ANKRD13C: variants seen among roughly 807,000 people sequenced by gnomAD.
ANKRD13C encodes the protein ankyrin repeat domain-containing protein 13C.
ANKRD13C carries 16 observed loss-of-function variants against 65.5 expected under a neutral mutation model. That is an observed-to-expected ratio of 0.24 (90% CI 0.17 to 0.37). The LOEUF (loss-of-function observed/expected upper bound fraction) is 0.37. Ranked by LOEUF, ANKRD13C falls within the 10% of genes least tolerant of loss-of-function variation. The probability of loss-of-function intolerance (pLI) is 1.00; values close to 1 mark genes in which losing one functional copy is unlikely to be tolerated. For missense variants in ANKRD13C, 503 were observed against 655.9 expected, an observed-to-expected ratio of 0.77 and a Z score of 2.55; for synonymous variants, 235 against 238.7, an observed-to-expected ratio of 0.98 and a Z score of 0.14.
intron 9 of ANKRD13C, among the ~76,000 whole-genome samples, chr1:70,289,339 A>G (rs747481526): frequency 3.9e-5 from 6 of 152,214 alleles, no homozygotes; most frequent in Non-Finnish European, 7.3e-5. Context: ...AAGAAAATCA[A>G]GTTGTCTATC....
intron 9 of ANKRD13C, 68 bp downstream of exon 9, chr1:70,292,320 C>A (rs1008191540): frequency 9.7e-6 from 12 of 1,232,802 alleles, no homozygotes; most frequent in Middle Eastern, 4.6e-4. Context: ...TTACTGAATG[C>A]CACCAAGAAT....
At chr1:70,286,288 C>A (rs1007346880) in intron 9 of ANKRD13C, among the ~76,000 whole-genome samples, 21 of 152,164 alleles carry the variant, frequency 1.4e-4, no homozygotes, top group African/African-American at 5.1e-4. Flanking sequence ...AAATGCAATT[C>A]TTCGATTCCT....
rs147245487 is a variant in ANKRD13C, at chr1:70,264,309, C to T, written c.1496-1462G>A. Among the ~76,000 whole-genome samples, 5 of 151,858 alleles carry T rather than the reference C, an allele frequency of 3.3e-5. No homozygotes were observed. The East Asian group carries it at 9.7e-4, about 29-fold the overall frequency. ...TGGCCAACATGGTGAAACCCCATCT[C>T]TAACAAAAATACAAAAATTAGCTGG... On this transcript the variant is annotated intron_variant, in intron 12 of 12. Coordinates refer to ENST00000370944, the MANE Select transcript of ANKRD13C (RefSeq NM_030816.5).
chr1:70,353,312 GTCA>G (rs1293125375), intron 1 of ANKRD13C, among the ~76,000 whole-genome samples: 2 of 152,118 alleles, frequency 1.3e-5, no homozygotes, highest in Non-Finnish European at 2.9e-5. Context: ...TTTAGTCACA[GTCA>G]TCAAGATGAG....
chr1:70,311,778 T>C (rs1186503639), intron 5 of ANKRD13C, among the ~76,000 whole-genome samples: 4 of 152,230 alleles, frequency 2.6e-5, no homozygotes, highest in Non-Finnish European at 4.4e-5. Flanking sequence ...TAGTATTAAA[T>C]AACTTGTATT....
At chr1:70,333,561 G>T (rs1681898071) in intron 2 of ANKRD13C, among the ~76,000 whole-genome samples, 1 of 152,146 alleles carries the variant, frequency 6.6e-6, no homozygotes. Flanking sequence ...TAATTCATAA[G>T]TCTGCCATCA....
At position 70,279,275 on chromosome 1, in the gene ANKRD13C, C is replaced by T. The variant is rs896047007; in HGVS notation, c.1216-2431G>A. Among the ~76,000 whole-genome samples the T allele has an allele frequency of 2.6e-5, 4 of 152,024 alleles. No individual in the cohort carries two copies. The East Asian group carries it at 5.8e-4, about 22-fold the overall frequency. On this transcript the variant is annotated intron_variant, in intron 9 of 12. Transcript: ENST00000370944. ...GAGGAAAAGCTTTTTCTCTACCCTCCGTTTTCTGCCGAACTACAGAGTATA... is the reference window on the plus strand; with the variant it reads ...GAGGAAAAGCTTTTTCTCTACCCTCTGTTTTCTGCCGAACTACAGAGTATA...
Position 70,324,863 on chromosome 1 carries a change from A to G in ANKRD13C, c.567T>C (p.Asp189=), listed in dbSNP as rs376588171. The change falls in exon 3 of 13, where the codon GAT becomes GAC. Residue 189 remains aspartate (D), a synonymous_variant. Coordinates refer to ENST00000370944, the MANE Select transcript of ANKRD13C (RefSeq NM_030816.5). ...ATTCATATTGCTTACTCATCTGCCT[A>G]TCTCCATAGCTGATGGCTTCCGCCA... ...SPLAEAISYG[D]RQMITALLRK... The G allele has an allele frequency of 2.5e-6, 4 of 1,606,776 alleles. No individual in the cohort carries two copies. Among genetic ancestry groups the G allele is most frequent in the African/African-American group, 2.7e-5 (2 of 74,844 alleles).
At chr1:70,277,185 T>C (rs1407541291) in intron 9 of ANKRD13C, among the ~76,000 whole-genome samples, 2 of 152,104 alleles carry the variant, frequency 1.3e-5, no homozygotes, top group Non-Finnish European at 2.9e-5. Flanking sequence ...GGGCCAGGCA[T>C]AGTGGCTCAT....
At chr1:70,307,316 C>A (rs543176658) in intron 5 of ANKRD13C, among the ~76,000 whole-genome samples, 41 of 152,234 alleles carry the variant, frequency 2.7e-4, no homozygotes, top group Non-Finnish European at 4.4e-5. Flanking sequence ...GCGGATAAAT[C>A]GCTTGAGCCC....
At chr1:70,352,528 TCTTCTTTCAAA>T (rs1453113868) in intron 1 of ANKRD13C, among the ~76,000 whole-genome samples, 1 of 152,162 alleles carries the variant, frequency 6.6e-6, no homozygotes, top group African/African-American at 2.4e-5. Flanking sequence ...TTCATCCATC[TCTTCTTTCAAA>T]GGGAGTTAAC....
At chr1:70,308,752 A>AG (rs2101421832) in intron 5 of ANKRD13C, among the ~76,000 whole-genome samples, 1 of 151,898 alleles carries the variant, frequency 6.6e-6, no homozygotes, top group East Asian at 1.9e-4. Context: ...AAAAAAAAAA[A>AG]AAAAAATTAA....
At chr1:70,330,088 CAA>C (rs60663093) in intron 2 of ANKRD13C, among the ~76,000 whole-genome samples, 5 of 77,118 alleles carry the variant, frequency 6.5e-5, no homozygotes, top group African/African-American at 9.7e-5. Flanking sequence ...TATTCCGTCT[CAA>C]AAAAAAAAAA....
At chr1:70,298,718 C>A (rs953487712) in intron 7 of ANKRD13C, among the ~76,000 whole-genome samples, 1 of 152,110 alleles carries the variant, frequency 6.6e-6, no homozygotes, top group African/African-American at 2.4e-5. Context: ...TAATAAATAT[C>A]TGAGAGGCTC....
chr1:70,331,715 A>G (rs961691509), intron 2 of ANKRD13C, among the ~76,000 whole-genome samples: 6 of 150,306 alleles, frequency 4.0e-5, no homozygotes, highest in African/African-American at 1.5e-4. Context: ...CCCAGCTACT[A>G]CTAGGTAGGC....
chr1:70,288,467 T>A (rs1182563585), intron 9 of ANKRD13C, among the ~76,000 whole-genome samples: 1 of 152,220 alleles, frequency 6.6e-6, no homozygotes. Flanking sequence ...CTTAATTCAT[T>A]ATGGCCCAAA....
At chr1:70,328,406 T>A (rs1681641284) in intron 2 of ANKRD13C, among the ~76,000 whole-genome samples, 1 of 152,160 alleles carries the variant, frequency 6.6e-6, no homozygotes. Context: ...CTCACACCTA[T>A]AATCTCAGGA....
intron 12 of ANKRD13C, among the ~76,000 whole-genome samples, chr1:70,264,229 A>G (rs965882971): frequency 5.3e-5 from 8 of 152,282 alleles, no homozygotes; most frequent in Middle Eastern, 6.8e-3. Context: ...TAATCCCAGC[A>G]CTTTGGGAGG....
At chr1:70,323,005 G>T (rs148320672) in intron 3 of ANKRD13C, among the ~76,000 whole-genome samples, 104 of 151,666 alleles carry the variant, frequency 6.9e-4, no homozygotes, top group African/African-American at 2.1e-3. Flanking sequence ...AAAAAAAAAA[G>T]AATAATTGAA....
Sources: gnomAD v4.1 joint callset for allele counts (sites outside exome capture counted in the v4.1 genomes callset) on GRCh38, gnomAD v4.1.1 for gene constraint, MANE v1.5 for transcripts, NCBI Gene and HGNC (gene_info 2026-07-23, HGNC 2026-07-21) for gene names.